Variants in CTSB observed in about 807,000 individuals in gnomAD.
CTSB encodes cathepsin B, also known as APP secretase.
CTSB carries 57 observed loss-of-function variants against 44.3 expected under a neutral mutation model. That is an observed-to-expected ratio of 1.29 (90% CI 1.04 to 1.60). The LOEUF (loss-of-function observed/expected upper bound fraction) is 1.60. Ranked by LOEUF, CTSB falls within the 40% of genes most tolerant of loss-of-function variation. CTSB has a pLI of 0.00. For synonymous variants in CTSB, 320 were observed against 168.0 expected (o/e 1.91, Z -7.00); for missense variants, 768 against 443.0 (o/e 1.73, Z -6.59).
rs894060452 is a variant in CTSB at position 11,853,248 on chromosome 8, G to C, written c.126+81C>G. Reference sequence around the variant, plus strand: ...ACAATGTTCTGTGGGCCACAGTGAGGGCTGGCTTCCCATTCCTGGAGTCAG... The same window carrying C: ...ACAATGTTCTGTGGGCCACAGTGAGCGCTGGCTTCCCATTCCTGGAGTCAG... On this transcript the variant is annotated intron_variant, in intron 2 of 9. Coordinates refer to ENST00000353047, the MANE Select transcript of CTSB (RefSeq NM_001908.5). 39 of 1,558,120 alleles carry C rather than the reference G, an allele frequency of 2.5e-5. No homozygotes were observed. The African/African-American group carries it at 5.0e-4, about 20-fold the overall frequency.
At chr8:11,866,375 G>A (rs1037872982) in intron 1 of CTSB, among the ~76,000 whole-genome samples, 1 of 152,364 alleles carries the variant, frequency 6.6e-6, no homozygotes, top group South Asian at 2.1e-4. Context: ...GGCCGTGTCT[G>A]GCCTGCGTTG....
intron 1 of CTSB, among the ~76,000 whole-genome samples, chr8:11,865,898 C>T (rs1817060157): frequency 6.7e-6 from 1 of 148,414 alleles, no homozygotes; most frequent in Non-Finnish European, 1.5e-5. Context: ...ACTGGCAATC[C>T]CAGCTACTTG....
chr8:11,859,292 C>T (rs916220773), intron 1 of CTSB, among the ~76,000 whole-genome samples: 15 of 152,180 alleles, frequency 9.9e-5, no homozygotes, highest in Non-Finnish European at 1.3e-4. Flanking sequence ...CTTCCTCCCC[C>T]GGCAAACGGC....
intron 4 of CTSB, among the ~76,000 whole-genome samples, chr8:11,850,314 G>A (rs1814314922): frequency 1.3e-5 from 2 of 150,476 alleles, no homozygotes; most frequent in South Asian, 4.2e-4. Context: ...AGCTACTGGG[G>A]AGACTGAGGC....
chr8:11,846,750 G>T (rs962383084), intron 8 of CTSB, among the ~76,000 whole-genome samples: 1 of 152,236 alleles, frequency 6.6e-6, no homozygotes, highest in Non-Finnish European at 1.5e-5. Context: ...CCACCAGGGA[G>T]GGGGGCGTTC....
At chr8:11,852,925 A>G (rs1482391741) in intron 2 of CTSB, among the ~76,000 whole-genome samples, 2 of 152,084 alleles carry the variant, frequency 1.3e-5, no homozygotes, top group Non-Finnish European at 2.9e-5. Context: ...AGCCCTCAAC[A>G]TGGCTCACTC....
Position 11,845,005 on chromosome 8 carries a change from T to G in CTSB, c.*120A>C. The G allele has an allele frequency of 2.9e-6, 2 of 695,144 alleles. No individual in the cohort carries two copies. The highest frequency in any genetic ancestry group is 5.4e-5 in the East Asian group (2 of 36,868). The allele number at this position is 695,144 out of a possible 1,614,324, so 43.1% of individuals were successfully genotyped here. A position where few individuals can be genotyped will look rare whatever the true frequency, so the allele number is the denominator to read the frequency against. On this transcript the variant is annotated 3_prime_UTR_variant, in exon 10 of 10. Transcript: ENST00000353047. ...GTCTCCTTGGAAGACAGGTCTGATG[T>G]TTGGCCAATCCAGTCCTTCAGACCC...
At chr8:11,861,297 C>T (rs1324950836) in intron 1 of CTSB, 1 of 152,328 alleles carries the variant, frequency 6.6e-6, no homozygotes, top group Non-Finnish European at 1.5e-5. Context: ...CAGTGATGCT[C>T]ACCAGCCTTG....
At chr8:11,867,285 C>G (rs1188316906) in intron 1 of CTSB, 1 of 152,228 alleles carries the variant, frequency 6.6e-6, no homozygotes, top group Admixed American at 6.5e-5. Context: ...GGGACTCTGC[C>G]CGGCCTCCCT....
At chr8:11,848,904 T>C (rs1813976336) in intron 5 of CTSB, 142 bp downstream of exon 5, 6 of 605,612 alleles carry the variant, frequency 9.9e-6, no homozygotes, top group Non-Finnish European at 1.7e-5. Flanking sequence ...TGCCAGGCCC[T>C]GCCTGCCAGA....
intron 1 of CTSB, among the ~76,000 whole-genome samples, chr8:11,860,218 A>G (rs1586182951): frequency 6.6e-6 from 1 of 152,234 alleles, no homozygotes; most frequent in Non-Finnish European, 1.5e-5. Flanking sequence ...CCTGGCTGAT[A>G]GACAAAAAAA....
chr8:11,864,546 A>C (rs560797841), intron 1 of CTSB: 1 of 152,156 alleles, frequency 6.6e-6, no homozygotes, highest in Non-Finnish European at 1.5e-5. Context: ...GAAGAATCCA[A>C]AAGAGGGGCA....
chr8:11,865,835 C>T (rs1407077782), intron 1 of CTSB, among the ~76,000 whole-genome samples: 9 of 145,590 alleles, frequency 6.2e-5, no homozygotes, highest in African/African-American at 2.3e-4. Flanking sequence ...GGTGAAAGCC[C>T]GTCTCTACTA....
At position 11,847,032 on chromosome 8, in the gene CTSB, CAT is replaced by C; in HGVS notation, c.793+18_793+19del. The C allele has an allele frequency of 3.0e-6, 4 of 1,331,496 alleles. No homozygotes were observed. The highest frequency in any genetic ancestry group is 4.3e-6 in the Non-Finnish European group (4 of 922,670). 82.5% of individuals were successfully genotyped at this position (1,331,496 alleles called of 1,614,324 possible). ...CCTCCCGACCCCCACCCTCTATTGCCATCAGCCATCAGCACGCACCTGACTTG... is the reference window on the plus strand; with the variant it reads ...CCTCCCGACCCCCACCCTCTATTGCCCAGCCATCAGCACGCACCTGACTTG... On this transcript the variant is annotated intron_variant, in intron 8 of 9. Coordinates refer to ENST00000353047, the MANE Select transcript of CTSB (RefSeq NM_001908.5).
chr8:11,849,726 GCC>G, intron 4 of CTSB: 3 of 152,278 alleles, frequency 2.0e-5, no homozygotes, highest in Non-Finnish European at 4.4e-5. Flanking sequence ...GATTATAGGT[GCC>G]TGCCACCAGG....
chr8:11,843,844 A>C lies in CTSB; in HGVS notation c.*1281T>G, dbSNP rs1388563264. ...CCGGGAGTTTGAAACTAGCCTGGCC[A>C]ACATGGTGAAATCCTGTATGTACTT... On this transcript the variant is annotated 3_prime_UTR_variant, in exon 10 of 10. Coordinates refer to ENST00000353047, the MANE Select transcript of CTSB (RefSeq NM_001908.5). 1 of 152,248 alleles carries C rather than the reference A, an allele frequency of 6.6e-6. No individual in the cohort carries two copies. The highest frequency in any genetic ancestry group is 1.9e-4 in the East Asian group (1 of 5,196). 9.4% of individuals were successfully genotyped at this position (152,248 alleles called of 1,614,324 possible). A position where few individuals can be genotyped will look rare whatever the true frequency, so the allele number is the denominator to read the frequency against.
rs778341166 is a variant in CTSB, at chr8:11,853,469, C to G, written c.-15G>C. The G allele has an allele frequency of 6.2e-7, 1 of 1,609,476 alleles. No individual in the cohort carries two copies. On this transcript the variant is annotated 5_prime_UTR_variant, in exon 2 of 10. Coordinates refer to ENST00000353047, the MANE Select transcript of CTSB (RefSeq NM_001908.5). ...AGCTGCCACATGTTGGAAGCCGGAT[C>G]CTAGATCCACCTGGAGAGGACAGAG... is the stretch of plus-strand genomic sequence containing the variant.
At chr8:11,854,513 G>A (rs1239161419) in intron 1 of CTSB, among the ~76,000 whole-genome samples, 2 of 151,092 alleles carry the variant, frequency 1.3e-5, no homozygotes, top group East Asian at 3.9e-4. Context: ...TTTGAGACAG[G>A]GTCTTGGTCT....
intron 1 of CTSB, among the ~76,000 whole-genome samples, chr8:11,859,411 T>C (rs1377552231): frequency 3.3e-5 from 5 of 151,694 alleles, no homozygotes; most frequent in African/African-American, 1.2e-4. Context: ...TCACAGGAGG[T>C]GTTAAGTCCT....
Sources: gnomAD v4.1 joint callset for allele counts (sites outside exome capture counted in the v4.1 genomes callset) on GRCh38, gnomAD v4.1.1 for gene constraint, MANE v1.5 for transcripts, NCBI Gene and HGNC (gene_info 2026-07-23, HGNC 2026-07-21) for gene names.